The following FHIT variants were observed in gnomAD, a reference collection of about 807,000 sequenced individuals.
FHIT encodes the protein bis(5'-adenosyl)-triphosphatase.
In FHIT, 19 loss-of-function variants were observed where a neutral mutation model predicts 17.9. The ratio of observed to expected loss-of-function variants is 1.06; its 90% CI spans 0.74 to 1.56. FHIT has a LOEUF of 1.56. Among genes scored for constraint, FHIT ranks in the 40% most tolerant of loss-of-function variants. The pLI, the probability that FHIT is intolerant of heterozygous loss-of-function variation, is 0.00. For synonymous variants in FHIT, 81 were observed against 69.7 expected (o/e 1.16, Z -0.81); for missense variants, 248 against 189.2 (o/e 1.31, Z -1.82).
chr3:60,924,067 G>A (rs184913002), intron 3 of FHIT, among the ~76,000 whole-genome samples: 21 of 152,172 alleles, frequency 1.4e-4, no homozygotes, highest in Admixed American at 6.5e-5. Flanking sequence ...CTGGAAGCTC[G>A]AACTCGGTGG....
At chr3:59,760,289 T>C (rs1701442861) in intron 8 of FHIT, among the ~76,000 whole-genome samples, 1 of 152,128 alleles carries the variant, frequency 6.6e-6, no homozygotes, top group African/African-American at 2.4e-5. Flanking sequence ...AAGTAAGTAT[T>C]AACTAGAAAA....
At chr3:60,874,183 G>C (rs1399272203) in intron 3 of FHIT, among the ~76,000 whole-genome samples, 1 of 152,114 alleles carries the variant, frequency 6.6e-6, no homozygotes, top group Non-Finnish European at 1.5e-5. Context: ...TTGTAGGGCT[G>C]TCGTTAGAAT....
intron 4 of FHIT, among the ~76,000 whole-genome samples, chr3:60,738,629 G>T (rs1428007618): frequency 6.6e-6 from 1 of 152,206 alleles, no homozygotes; most frequent in Non-Finnish European, 1.5e-5. Context: ...TCAAGTTCTC[G>T]ATCTGTACCA....
At chr3:61,178,063 A>C (rs575058878) in intron 2 of FHIT, among the ~76,000 whole-genome samples, 1 of 152,358 alleles carries the variant, frequency 6.6e-6, no homozygotes, top group East Asian at 1.9e-4. Context: ...GTTTTGATTT[A>C]AAGTTTAAGA....
chr3:60,890,667 CT>C (rs1317426212), intron 3 of FHIT, among the ~76,000 whole-genome samples: 2 of 152,152 alleles, frequency 1.3e-5, no homozygotes, highest in African/African-American at 4.8e-5. Context: ...CTAGGAGCAG[CT>C]TTTCCAAATG....
chr3:60,192,224 C>A (rs1324001506), intron 5 of FHIT, among the ~76,000 whole-genome samples: 1 of 138,776 alleles, frequency 7.2e-6, no homozygotes, highest in Non-Finnish European at 1.5e-5. Flanking sequence ...GCACTCCAGC[C>A]TGGGCAACAG....
chr3:60,174,070 C>T (rs1291414315), intron 5 of FHIT, among the ~76,000 whole-genome samples: 6 of 150,618 alleles, frequency 4.0e-5, no homozygotes, highest in South Asian at 2.1e-4. Context: ...TCTGCCACCA[C>T]GCCCAGCTAA....
chr3:61,194,926 G>C (rs2038813149), intron 2 of FHIT, among the ~76,000 whole-genome samples: 2 of 148,152 alleles, frequency 1.3e-5, no homozygotes, highest in South Asian at 4.3e-4. Flanking sequence ...CTAGGGATGA[G>C]AAAACCCCAG....
At chr3:60,124,964 C>T (rs1252943242) in intron 5 of FHIT, among the ~76,000 whole-genome samples, 1 of 152,194 alleles carries the variant, frequency 6.6e-6, no homozygotes, top group Non-Finnish European at 1.5e-5. Context: ...TGGGGCCCTC[C>T]AAATTCTCTA....
chr3:60,639,803 A>G (rs2039680548), intron 4 of FHIT, among the ~76,000 whole-genome samples: 1 of 152,216 alleles, frequency 6.6e-6, no homozygotes, highest in South Asian at 2.1e-4. Flanking sequence ...CACTCTAACA[A>G]TTTAATCAAG....
At chr3:60,892,344 C>G (rs1414381701) in intron 3 of FHIT, among the ~76,000 whole-genome samples, 1 of 152,172 alleles carries the variant, frequency 6.6e-6, no homozygotes, top group Non-Finnish European at 1.5e-5. Context: ...TTAACACTGA[C>G]AGCTACCCTT....
chr3:60,846,805 A>C (rs1553746635), intron 3 of FHIT, among the ~76,000 whole-genome samples: 2 of 152,132 alleles, frequency 1.3e-5, no homozygotes. Context: ...GTCATTGTTA[A>C]GATTAAGTAA....
intron 4 of FHIT, among the ~76,000 whole-genome samples, chr3:60,602,591 A>G (rs895160260): frequency 7.2e-5 from 11 of 152,264 alleles, no homozygotes; most frequent in African/African-American, 1.9e-4. Flanking sequence ...TCTAGAAACC[A>G]TGGTAAAAAG....
At chr3:60,446,176 A>T (rs957800270) in intron 5 of FHIT, among the ~76,000 whole-genome samples, 2 of 152,096 alleles carry the variant, frequency 1.3e-5, no homozygotes, top group Non-Finnish European at 2.9e-5. Flanking sequence ...TAGCTTCAGA[A>T]AAAAATCCAA....
At chr3:60,611,458 C>CA (rs1553673567) in intron 4 of FHIT, among the ~76,000 whole-genome samples, 1 of 152,134 alleles carries the variant, frequency 6.6e-6, no homozygotes, top group Non-Finnish European at 1.5e-5. Flanking sequence ...TCTGATTTTT[C>CA]ACTCATGCAA....
intron 5 of FHIT, among the ~76,000 whole-genome samples, chr3:60,323,415 C>G (rs947030716): frequency 6.6e-6 from 1 of 152,106 alleles, no homozygotes; most frequent in African/African-American, 2.4e-5. Context: ...AGACACTTTC[C>G]ACATAAGCCG....
chr3:59,758,190 G>C (rs1305547969), intron 8 of FHIT, among the ~76,000 whole-genome samples: 1 of 152,148 alleles, frequency 6.6e-6, no homozygotes, highest in East Asian at 1.9e-4. Flanking sequence ...AGATTTTGAA[G>C]AAAGGGTAAT....
rs1296972387 is a variant in FHIT, at chr3:60,777,121, T to C, written c.-18+44798A>G. ...CATCATTTTGACAAAATAAATAACT[T>C]TTGGTAATGTTGACAAAAGGAGTCA... On this transcript the variant is annotated intron_variant, in intron 4 of 9. Coordinates refer to ENST00000492590, the MANE Select transcript of FHIT (RefSeq NM_002012.4). Among the ~76,000 whole-genome samples the C allele has an allele frequency of 4.6e-5, 7 of 152,190 alleles. No homozygotes were observed. The East Asian group carries it at 1.3e-3, about 29-fold the overall frequency.
intron 5 of FHIT, among the ~76,000 whole-genome samples, chr3:60,227,428 G>C (rs1704264969): frequency 6.6e-6 from 1 of 152,132 alleles, no homozygotes; most frequent in Non-Finnish European, 1.5e-5. Context: ...AAAGCTTCCT[G>C]AATCTGGCCA....
Sources: allele counts gnomAD v4.1 joint callset (sites outside exome capture counted in the v4.1 genomes callset), GRCh38; gene constraint gnomAD v4.1.1; transcripts MANE v1.5; gene names NCBI Gene and HGNC (gene_info 2026-07-23, HGNC 2026-07-21).